The following LRRTM4 variants were observed in gnomAD, a reference collection of about 807,000 sequenced individuals.
LRRTM4 encodes the protein leucine-rich repeat transmembrane neuronal protein 4.
Under a neutral mutation model 47.6 loss-of-function variants are expected in LRRTM4, and 25 were observed. The observed-to-expected ratio is 0.53, with a 90% CI of 0.38 to 0.73. The LOEUF (loss-of-function observed/expected upper bound fraction) is 0.73, where lower values mean the gene tolerates loss of function less well. LRRTM4 is among the 30% of genes least tolerant of loss of function. The pLI is 0.00. For synonymous variants in LRRTM4, 311 were observed against 269.5 expected (o/e 1.15, Z -1.51); for missense variants, 638 against 713.4 (o/e 0.89, Z 1.20).
intron 3 of LRRTM4, among the ~76,000 whole-genome samples, chr2:77,222,209 A>G (rs1025000732): frequency 1.7e-4 from 26 of 152,132 alleles, no homozygotes; most frequent in Non-Finnish European, 3.5e-4. Context: ...TCAAAGCAGT[A>G]TGTAGAGGGA....
chr2:77,233,732 A>C (rs949382136), intron 3 of LRRTM4, among the ~76,000 whole-genome samples: 2 of 152,080 alleles, frequency 1.3e-5, no homozygotes, highest in Non-Finnish European at 2.9e-5. Context: ...CCTATTCATG[A>C]AACATTGCTG....
At chr2:76,811,593 C>T (rs1670735743) in intron 3 of LRRTM4, among the ~76,000 whole-genome samples, 1 of 152,104 alleles carries the variant, frequency 6.6e-6, no homozygotes, top group Non-Finnish European at 1.5e-5. Flanking sequence ...CTTGTTTCTG[C>T]CATGTACATG....
At chr2:77,315,856 C>A (rs1434912498) in intron 3 of LRRTM4, among the ~76,000 whole-genome samples, 2 of 152,184 alleles carry the variant, frequency 1.3e-5, no homozygotes, top group Non-Finnish European at 2.9e-5. Flanking sequence ...AGGGTAGAAG[C>A]CAACTTTGGC....
chr2:77,243,765 TC>T (rs1203175526), intron 3 of LRRTM4, among the ~76,000 whole-genome samples: 2 of 116,184 alleles, frequency 1.7e-5, no homozygotes, highest in East Asian at 2.1e-4. Context: ...CCTTTTTTTT[TC>T]TTTTTCCTTT....
chr2:76,782,433 G>T (rs749922165), intron 3 of LRRTM4, among the ~76,000 whole-genome samples: 1 of 152,090 alleles, frequency 6.6e-6, no homozygotes, highest in Non-Finnish European at 1.5e-5. Context: ...GTTATTTAAG[G>T]TTTACGATAT....
chr2:76,891,541 T>G (rs976915917), intron 3 of LRRTM4, among the ~76,000 whole-genome samples: 2 of 151,368 alleles, frequency 1.3e-5, no homozygotes, highest in Admixed American at 1.3e-4. Flanking sequence ...CTAGATAAAA[T>G]AGTTTAAAAT....
intron 3 of LRRTM4, among the ~76,000 whole-genome samples, chr2:77,173,035 C>G (rs1673098729): frequency 6.6e-6 from 1 of 152,172 alleles, no homozygotes; most frequent in Non-Finnish European, 1.5e-5. Flanking sequence ...ATGCAATAAT[C>G]AGCTGCCAAT....
At chr2:77,193,406 G>A (rs1029772689) in intron 3 of LRRTM4, among the ~76,000 whole-genome samples, 9 of 151,432 alleles carry the variant, frequency 5.9e-5, no homozygotes, top group Non-Finnish European at 1.2e-4. Context: ...TTTAAATATT[G>A]TTAAATACAT....
intron 3 of LRRTM4, among the ~76,000 whole-genome samples, chr2:76,792,507 G>A (rs1270951445): frequency 6.6e-6 from 1 of 152,072 alleles, no homozygotes; most frequent in Non-Finnish European, 1.5e-5. Context: ...AGTATATTAG[G>A]AAGGCGTGTG....
chr2:77,027,320 TGAATTAAATAAAAAAA>T (rs1459788972), intron 3 of LRRTM4, among the ~76,000 whole-genome samples: 3 of 152,236 alleles, frequency 2.0e-5, no homozygotes, highest in African/African-American at 7.2e-5. Flanking sequence ...GTAGAGGAGA[TGAATTAAATAAAAAAA>T]GAACTCATAA....
chr2:76,999,870 A>AT (rs1013115933), intron 3 of LRRTM4, among the ~76,000 whole-genome samples: 1 of 152,138 alleles, frequency 6.6e-6, no homozygotes, highest in Non-Finnish European at 1.5e-5. Context: ...TCAACACACC[A>AT]TTTTTAGGTG....
rs996352561 is a variant in LRRTM4, at chr2:77,312,875, C to G, written c.1551+205443G>C. Among the ~76,000 whole-genome samples the G allele has an allele frequency of 6.5e-4, 99 of 152,084 alleles. 1 individual carries two copies. Among genetic ancestry groups the G allele is most frequent in the Non-Finnish European group, 1.3e-4 (9 of 68,030 alleles). ...GATATTGAAGTCACACAAATGAGGT[C>G]AAGTGAGTGGTTAGCACAGACGCCT... On this transcript the variant is annotated intron_variant, in intron 3 of 3. Coordinates refer to ENST00000409884, the MANE Select transcript of LRRTM4 (RefSeq NM_001134745.3).
intron 3 of LRRTM4, among the ~76,000 whole-genome samples, chr2:77,260,050 T>C (rs867681739): frequency 6.6e-6 from 1 of 151,992 alleles, no homozygotes; most frequent in African/African-American, 2.4e-5. Flanking sequence ...TAAATTAAAA[T>C]AACCAGTCTA....
At position 77,030,819 on chromosome 2, in the gene LRRTM4, T is replaced by G. The variant is rs573307494; in HGVS notation, c.1552-281903A>C. On this transcript the variant is annotated intron_variant, in intron 3 of 3. Transcript: ENST00000409884. ...TTTTAATAAGTAATGCCAAATAATC[T>G]GTCACAAAATTTGTATCAACATGCA... Among the ~76,000 whole-genome samples the G allele has an allele frequency of 3.4e-4, 52 of 152,334 alleles. 2 individuals carry two copies. The East Asian group carries it at 9.5e-3, about 28-fold the overall frequency.
chr2:76,784,464 A>G (rs1397312851), intron 3 of LRRTM4, among the ~76,000 whole-genome samples: 2 of 152,016 alleles, frequency 1.3e-5, no homozygotes, highest in African/African-American at 2.4e-5. Flanking sequence ...ATACATAGAT[A>G]TATTATACAT....
At chr2:76,752,490 A>G (rs1278117092) in intron 3 of LRRTM4, among the ~76,000 whole-genome samples, 1 of 152,130 alleles carries the variant, frequency 6.6e-6, no homozygotes, top group African/African-American at 2.4e-5. Context: ...CTCTATTGTA[A>G]TTGAGGCAGG....
chr2:77,016,336 A>G (rs1328125870), intron 3 of LRRTM4, among the ~76,000 whole-genome samples: 2 of 151,672 alleles, frequency 1.3e-5, no homozygotes, highest in African/African-American at 4.9e-5. Context: ...CAGTGAGCCC[A>G]GATCGCGCCA....
chr2:77,447,637 A>T (rs1476753392), intron 3 of LRRTM4, among the ~76,000 whole-genome samples: 1 of 152,122 alleles, frequency 6.6e-6, no homozygotes. Flanking sequence ...CTATATTTTT[A>T]ACCATTCAAC....
At chr2:76,814,442 A>G (rs1271052329) in intron 3 of LRRTM4, among the ~76,000 whole-genome samples, 1 of 152,090 alleles carries the variant, frequency 6.6e-6, no homozygotes, top group African/African-American at 2.4e-5. Context: ...AACAATGTAC[A>G]CTTGACTCTC....
Sources: allele counts gnomAD v4.1 joint callset (sites outside exome capture counted in the v4.1 genomes callset), GRCh38; gene constraint gnomAD v4.1.1; transcripts MANE v1.5; gene names NCBI Gene and HGNC (gene_info 2026-07-23, HGNC 2026-07-21).